THRB: variants seen among roughly 807,000 people sequenced by gnomAD.
THRB encodes the protein thyroid hormone receptor beta.
A neutral mutation model predicts 47.8 loss-of-function variants in THRB; 12 were observed. The ratio of observed to expected loss-of-function variants is 0.25; its 90% CI spans 0.16 to 0.41. The LOEUF (loss-of-function observed/expected upper bound fraction) is 0.41, where lower values mean the gene tolerates loss of function less well. THRB is among the 10% of genes least tolerant of loss of function. THRB has a pLI of 1.00. For synonymous variants in THRB, 218 were observed against 212.2 expected, an observed-to-expected ratio of 1.03 and a Z score of -0.24; for missense variants, 348 against 589.2, an observed-to-expected ratio of 0.59 and a Z score of 4.24.
intron 1 of THRB, among the ~76,000 whole-genome samples, chr3:24,476,913 C>G (rs1397246854): frequency 6.6e-6 from 1 of 151,960 alleles, no homozygotes; most frequent in African/African-American, 2.4e-5. Flanking sequence ...CTCATTATCT[C>G]AATCATGTGG....
intron 5 of THRB, among the ~76,000 whole-genome samples, chr3:24,187,186 A>C (rs2042702754): frequency 6.6e-6 from 1 of 152,214 alleles, no homozygotes; most frequent in Admixed American, 6.5e-5. Flanking sequence ...CTAACTGTCT[A>C]TATCCTGTTC....
chr3:24,212,639 T>C (rs1455573726), intron 4 of THRB, among the ~76,000 whole-genome samples: 1 of 151,628 alleles, frequency 6.6e-6, no homozygotes, highest in Non-Finnish European at 1.5e-5. Flanking sequence ...TGATATGGTT[T>C]GATCCAGGCC....
At chr3:24,277,480 A>T (rs1478519168) in intron 3 of THRB, among the ~76,000 whole-genome samples, 2 of 152,172 alleles carry the variant, frequency 1.3e-5, no homozygotes, top group Non-Finnish European at 2.9e-5. Flanking sequence ...GTGAGTCTGG[A>T]GCAAACCCAA....
chr3:24,399,193 G>A (rs1577320463), intron 1 of THRB, among the ~76,000 whole-genome samples: 3 of 150,788 alleles, frequency 2.0e-5, no homozygotes, highest in East Asian at 3.9e-4. Context: ...AAACCTGCAC[G>A]TTGTGCACAT....
chr3:24,263,717 A>T (rs2052336445), intron 3 of THRB, among the ~76,000 whole-genome samples: 1 of 152,034 alleles, frequency 6.6e-6, no homozygotes, highest in African/African-American at 2.4e-5. Context: ...TGCTGACTTA[A>T]ATATAGACAT....
intron 1 of THRB, among the ~76,000 whole-genome samples, chr3:24,429,244 T>C (rs2070112315): frequency 1.3e-5 from 2 of 150,598 alleles, no homozygotes; most frequent in Non-Finnish European, 3.0e-5. Flanking sequence ...ATTTGACATA[T>C]ATACTATATG....
intron 1 of THRB, among the ~76,000 whole-genome samples, chr3:24,423,962 A>G (rs768178124): frequency 1.3e-5 from 2 of 151,910 alleles, no homozygotes; most frequent in Non-Finnish European, 2.9e-5. Context: ...ATGTCAATGG[A>G]GAATCATTTT....
At chr3:24,373,761 T>C (rs1332548266) in intron 1 of THRB, among the ~76,000 whole-genome samples, 2 of 152,162 alleles carry the variant, frequency 1.3e-5, no homozygotes, top group African/African-American at 2.4e-5. Context: ...CCTAGCTTAA[T>C]AGTCAGATTG....
chr3:24,237,503 T>C (rs1393569697), intron 3 of THRB, among the ~76,000 whole-genome samples: 1 of 152,142 alleles, frequency 6.6e-6, no homozygotes, highest in Non-Finnish European at 1.5e-5. Flanking sequence ...TGTTAGTCAA[T>C]ATCCAGGCCA....
chr3:24,435,213 A>G (rs908485735), intron 1 of THRB, among the ~76,000 whole-genome samples: 2 of 152,156 alleles, frequency 1.3e-5, no homozygotes, highest in African/African-American at 4.8e-5. Flanking sequence ...AGGATGGAGG[A>G]AGACAGAACA....
At chr3:24,272,452 A>G (rs988790912) in intron 3 of THRB, among the ~76,000 whole-genome samples, 3 of 152,164 alleles carry the variant, frequency 2.0e-5, no homozygotes, top group Non-Finnish European at 2.9e-5. Flanking sequence ...AAATTTCCCT[A>G]TATACCATGT....
chr3:24,122,881 A>G lies in THRB; in HGVS notation c.*3T>C. On this transcript the variant is annotated 3_prime_UTR_variant, in exon 11 of 11. Coordinates refer to ENST00000646209, the MANE Select transcript of THRB (RefSeq NM_001354712.2). ...AGGAATTATGAGAATGAATCCAGTC[A>G]GTCTAATCCTCGAACACTTCCAAGA... 2 of 1,614,214 alleles carry G rather than the reference A, an allele frequency of 1.2e-6. No individual in the cohort carries two copies. Among genetic ancestry groups the G allele is most frequent in the Non-Finnish European group, 1.7e-6 (2 of 1,180,044 alleles).
At chr3:24,376,154 T>A (rs139343416) in intron 1 of THRB, among the ~76,000 whole-genome samples, 70 of 152,254 alleles carry the variant, frequency 4.6e-4, no homozygotes, top group African/African-American at 1.6e-3. Context: ...TTTAAGTGTG[T>A]CTATAATGGA....
intron 1 of THRB, among the ~76,000 whole-genome samples, chr3:24,417,138 A>AGTG (rs2068817682): frequency 1.3e-5 from 2 of 151,206 alleles, no homozygotes; most frequent in South Asian, 2.1e-4. Context: ...ACACACACAC[A>AGTG]CGCGCAACGC....
intron 3 of THRB, among the ~76,000 whole-genome samples, chr3:24,253,486 G>A (rs1467308580): frequency 6.6e-6 from 1 of 152,138 alleles, no homozygotes; most frequent in Non-Finnish European, 1.5e-5. Context: ...CATGGAATAA[G>A]CAGCAGCAAA....
intron 2 of THRB, among the ~76,000 whole-genome samples, chr3:24,298,821 G>T (rs1254747281): frequency 6.6e-6 from 1 of 152,042 alleles, no homozygotes; most frequent in Non-Finnish European, 1.5e-5. Flanking sequence ...CATGAAAAAG[G>T]GTCTCTAGAC....
rs746323691 is a variant in THRB, at chr3:24,481,229, G to GTTTTTTTTTT, written c.-261+13413_-261+13422dup. Among the ~76,000 whole-genome samples the GTTTTTTTTTT allele has an allele frequency of 1.8e-3, 98 of 55,350 alleles. 6 individuals carry two copies. Among genetic ancestry groups the GTTTTTTTTTT allele is most frequent in the African/African-American group, 6.3e-3 (83 of 13,074 alleles). The allele number at this position is 55,350 out of a possible 152,430, so 36.3% of individuals were successfully genotyped here. Reference sequence around the variant, plus strand: ...TATATGTGTGGATGCGTTTCTTTCTGTTTTTTTTTTTTTTTTTTTTTTTTT... The same window carrying GTTTTTTTTTT: ...TATATGTGTGGATGCGTTTCTTTCTGTTTTTTTTTTTTTTTTTTTTTTTTTTTTTTTTTTT... On this transcript the variant is annotated intron_variant, in intron 1 of 10. Transcript: ENST00000646209.
intron 2 of THRB, among the ~76,000 whole-genome samples, chr3:24,312,112 T>C (rs917813532): frequency 6.6e-6 from 1 of 152,246 alleles, no homozygotes; most frequent in Non-Finnish European, 1.5e-5. Flanking sequence ...TGCCCTTGCC[T>C]TCTGCCCTAC....
Position 24,200,350 on chromosome 3 carries a change from C to G in THRB, c.23-10016G>C, listed in dbSNP as rs142547407. Among the ~76,000 whole-genome samples, 6 of 152,256 alleles carry G rather than the reference C, an allele frequency of 3.9e-5. No homozygotes were observed. The East Asian group carries it at 1.2e-3, about 29-fold the overall frequency. On this transcript the variant is annotated intron_variant, in intron 4 of 10. Coordinates refer to ENST00000646209, the MANE Select transcript of THRB (RefSeq NM_001354712.2). ...TTCAGGGTAGAAAATACACGTGAAT[C>G]TTTTCTGACTTTGGAAACTAGGACT...
Sources: gnomAD v4.1 joint callset for allele counts (sites outside exome capture counted in the v4.1 genomes callset) on GRCh38, gnomAD v4.1.1 for gene constraint, MANE v1.5 for transcripts, NCBI Gene and HGNC (gene_info 2026-07-23, HGNC 2026-07-21) for gene names.